The following ZNF568 variants were observed in gnomAD, a reference collection of about 807,000 sequenced individuals.
The protein encoded by ZNF568 is zinc finger protein 568, also known as p53 inhibitor of SCO2 activation.
ZNF568 carries 11 observed loss-of-function variants against 18.1 expected under a neutral mutation model. That is an observed-to-expected ratio of 0.61 (90% confidence interval 0.38 to 1.00). The LOEUF (loss-of-function observed/expected upper bound fraction) is 1.00. Ranked by LOEUF, ZNF568 falls within the 50% of genes least tolerant of loss-of-function variation. The probability of loss-of-function intolerance (pLI) is 0.01; values close to 1 mark genes in which losing one functional copy is unlikely to be tolerated. For synonymous variants in ZNF568, 213 were observed against 246.6 expected (o/e 0.86, Z 1.28); for missense variants, 639 against 768.2 (o/e 0.83, Z 1.99).
chr19:36,985,384 C>T (rs2074366961), intron 2 of ZNF568, among the ~76,000 whole-genome samples: 1 of 151,990 alleles, frequency 6.6e-6, no homozygotes, highest in Non-Finnish European at 1.5e-5. Flanking sequence ...GAGGTGATTC[C>T]TCCTGCCCCT....
intron 6 of ZNF568, among the ~76,000 whole-genome samples, chr19:36,957,876 T>G (rs569950480): frequency 2.6e-5 from 4 of 152,192 alleles, no homozygotes; most frequent in Admixed American, 2.6e-4. Flanking sequence ...ATAAAGCTAA[T>G]TTTTAAGATT....
At chr19:36,992,540 A>C (rs1419780831) in intron 4 of ZNF568, among the ~76,000 whole-genome samples, 1 of 152,096 alleles carries the variant, frequency 6.6e-6, no homozygotes, top group Non-Finnish European at 1.5e-5. Flanking sequence ...AGCTCCATTT[A>C]CTAGGCTCTC....
At chr19:36,962,708 T>A (rs6510572) in intron 6 of ZNF568, among the ~76,000 whole-genome samples, 30,992 of 152,080 alleles carry the variant, frequency 0.2, 3,316 homozygotes, top group African/African-American at 0.28. Context: ...TCTAGAAAGG[T>A]CTATTTCTCC....
chr19:36,996,252 T>G, intron 4 of ZNF568: 1 of 1,222,972 alleles, frequency 8.2e-7, no homozygotes, highest in South Asian at 1.6e-5. Context: ...CATTTCTACT[T>G]TCAGGACTTT....
chr19:36,950,150 C>A lies in ZNF568; in HGVS notation c.997C>A (p.Pro333Thr). The A allele has an allele frequency of 1.9e-6, 3 of 1,613,926 alleles. No individual in the cohort carries two copies. The highest frequency in any genetic ancestry group is 2.5e-6 in the Non-Finnish European group (3 of 1,179,948). ...TGAGCGAATTCACACTGGAGAGAAA[C>A]CCTATGAATGTAAGGAATGTGGGAA... ...EHERIHTGEK[P>T]YECKECGKSF... The change falls in exon 7 of 7, where the codon CCC (proline) becomes ACC (threonine). Residue 333 changes from proline to threonine, a missense_variant. Coordinates refer to ENST00000333987, the MANE Select transcript of ZNF568 (RefSeq NM_198539.4).
At chr19:36,969,056 G>A (rs752489374) in intron 6 of ZNF568, among the ~76,000 whole-genome samples, 27 of 152,026 alleles carry the variant, frequency 1.8e-4, no homozygotes, top group Non-Finnish European at 3.2e-4. Context: ...GGGCTTTCAC[G>A]GTATTAGCCA....
chr19:36,934,223 A>C (rs570063980), intron 4 of ZNF568, among the ~76,000 whole-genome samples: 23 of 148,802 alleles, frequency 1.5e-4, no homozygotes, highest in African/African-American at 4.2e-4. Context: ...TTCTAGTCTA[A>C]ATTTCTTTGA....
At chr19:36,949,054 C>T (rs1397248256) in intron 6 of ZNF568, among the ~76,000 whole-genome samples, 3 of 152,118 alleles carry the variant, frequency 2.0e-5, no homozygotes, top group Non-Finnish European at 1.5e-5. Context: ...ACACTCACGT[C>T]TCCTTTTTCT....
intron 7 of ZNF568, among the ~76,000 whole-genome samples, chr19:36,978,592 C>G (rs2074304292): frequency 1.3e-5 from 2 of 152,296 alleles, no homozygotes; most frequent in South Asian, 4.1e-4. Flanking sequence ...CTGAGTAGGT[C>G]ACTATTTTCT....
Position 36,951,699 on chromosome 19 carries a change from A to G in ZNF568, c.*611A>G, listed in dbSNP as rs1242767060. Reference sequence around the variant, plus strand: ...TTTTTTTTTTTTTTTTTTTGAGACAAGCGTCTCACTCTGTCGCCCAGGCTG... The same window carrying G: ...TTTTTTTTTTTTTTTTTTTGAGACAGGCGTCTCACTCTGTCGCCCAGGCTG... On this transcript the variant is annotated 3_prime_UTR_variant, in exon 7 of 7. Coordinates refer to ENST00000333987, the MANE Select transcript of ZNF568 (RefSeq NM_198539.4). 1 of 144,996 alleles carries G rather than the reference A, an allele frequency of 6.9e-6. No individual in the cohort carries two copies. The highest frequency in any genetic ancestry group is 1.5e-5 in the Non-Finnish European group (1 of 66,540). 9.0% of individuals were successfully genotyped at this position (144,996 alleles called of 1,614,324 possible). A position where few individuals can be genotyped will look rare whatever the true frequency, so the allele number is the denominator to read the frequency against.
intron 6 of ZNF568, among the ~76,000 whole-genome samples, chr19:36,965,265 C>G (rs2074185931): frequency 1.3e-5 from 2 of 152,168 alleles, no homozygotes; most frequent in African/African-American, 4.8e-5. Flanking sequence ...GTTGGGCATG[C>G]TTTTATCTCT....
At chr19:36,928,979 G>A (rs944429182) in intron 4 of ZNF568, among the ~76,000 whole-genome samples, 3 of 152,008 alleles carry the variant, frequency 2.0e-5, no homozygotes, top group Non-Finnish European at 4.4e-5. Context: ...CTTAGAATTA[G>A]ACAAGTTTAT....
At chr19:36,978,919 T>C (rs2074307110) in intron 7 of ZNF568, 1 of 307,914 alleles carries the variant, frequency 3.2e-6, no homozygotes, top group African/African-American at 2.3e-5. Context: ...GTCAGTCTCA[T>C]GGTTGCGCTT....
chr19:36,977,269 G>A (rs1568404690), intron 7 of ZNF568, among the ~76,000 whole-genome samples: 3 of 152,126 alleles, frequency 2.0e-5, no homozygotes, highest in African/African-American at 7.2e-5. Context: ...TCTTTAAGGT[G>A]TCTCCTGTGA....
intron 6 of ZNF568, among the ~76,000 whole-genome samples, chr19:36,972,683 G>A (rs2074245652): frequency 6.6e-6 from 1 of 152,214 alleles, no homozygotes; most frequent in African/African-American, 2.4e-5. Flanking sequence ...CTCCTAATTC[G>A]TGGCGTGGCC....
chr19:36,983,170 A>T (rs1377463932), downstream of ZNF568, among the ~76,000 whole-genome samples: 1 of 152,238 alleles, frequency 6.6e-6, no homozygotes, highest in East Asian at 1.9e-4. Context: ...TCTGTGCTGC[A>T]TGGCAGAGTT....
intron 6 of ZNF568, among the ~76,000 whole-genome samples, chr19:36,945,975 G>A (rs1210198203): frequency 6.6e-6 from 1 of 151,850 alleles, no homozygotes; most frequent in Non-Finnish European, 1.5e-5. Flanking sequence ...TGCGCCTGTA[G>A]TTCCAGCTAT....
intron 6 of ZNF568, among the ~76,000 whole-genome samples, chr19:36,963,947 C>A (rs1030833157): frequency 4.8e-5 from 6 of 125,986 alleles, no homozygotes; most frequent in African/African-American, 1.6e-4. Flanking sequence ...AGCCTGGCAA[C>A]AAAGCGAGAC....
chr19:36,974,993 A>G (rs2074269617), intron 7 of ZNF568, among the ~76,000 whole-genome samples: 1 of 144,752 alleles, frequency 6.9e-6, no homozygotes, highest in Admixed American at 6.9e-5. Context: ...CGCCCAGCTA[A>G]TTTTTGTATT....
Sources: allele counts gnomAD v4.1 joint callset (sites outside exome capture counted in the v4.1 genomes callset), GRCh38; gene constraint gnomAD v4.1.1; transcripts MANE v1.5; gene names NCBI Gene and HGNC (gene_info 2026-07-23, HGNC 2026-07-21).